The following COL11A1 variants were observed in gnomAD, a reference collection of about 807,000 sequenced individuals.
COL11A1 encodes the protein collagen type XI alpha 1 chain, also known as collagen alpha-1(XI) chain.
A neutral mutation model predicts 265.2 loss-of-function variants in COL11A1; 74 were observed. That is an observed-to-expected ratio of 0.28 (90% CI 0.23 to 0.34). The LOEUF is 0.34. Ranked by LOEUF, COL11A1 falls within the 10% of genes least tolerant of loss-of-function variation. The pLI, the probability that COL11A1 is intolerant of heterozygous loss-of-function variation, is 1.00. For missense variants in COL11A1, 2,165 were observed against 2,263.6 expected, an observed-to-expected ratio of 0.96 and a Z score of 0.88; for synonymous variants, 816 against 727.6, an observed-to-expected ratio of 1.12 and a Z score of -1.96.
At chr1:102,973,593 C>T (rs887023204) in intron 36 of COL11A1, among the ~76,000 whole-genome samples, 1 of 152,090 alleles carries the variant, frequency 6.6e-6, no homozygotes, top group Non-Finnish European at 1.5e-5. Flanking sequence ...ACTTTTGAAA[C>T]TGTTTTCATT....
chr1:103,031,682 G>C (rs1214633798), intron 4 of COL11A1, among the ~76,000 whole-genome samples: 1 of 151,912 alleles, frequency 6.6e-6, no homozygotes, highest in Non-Finnish European at 1.5e-5. Context: ...TTATTGTTAG[G>C]AAATTTATAT....
chr1:103,058,272 G>T (rs1207449145), intron 4 of COL11A1, among the ~76,000 whole-genome samples: 1 of 152,138 alleles, frequency 6.6e-6, no homozygotes, highest in East Asian at 1.9e-4. Flanking sequence ...AGCTTTCACA[G>T]AATTGAAGAG....
chr1:102,971,142 G>T (rs1293615989), intron 36 of COL11A1, among the ~76,000 whole-genome samples: 1 of 152,104 alleles, frequency 6.6e-6, no homozygotes, highest in African/African-American at 2.4e-5. Flanking sequence ...AAGTCATCAG[G>T]ACAAATTTTT....
At chr1:102,912,644 A>G (rs779857012) in intron 53 of COL11A1, among the ~76,000 whole-genome samples, 3 of 152,124 alleles carry the variant, frequency 2.0e-5, no homozygotes, top group African/African-American at 7.2e-5. Context: ...TAACATACTG[A>G]TATGGTTTGG....
chr1:102,922,018 G>A (rs936407356), intron 47 of COL11A1, among the ~76,000 whole-genome samples: 3 of 152,138 alleles, frequency 2.0e-5, no homozygotes, highest in Non-Finnish European at 4.4e-5. Context: ...GGTTCTATAT[G>A]CTAGAATTAG....
At chr1:103,065,585 C>T (rs993938353) in intron 4 of COL11A1, among the ~76,000 whole-genome samples, 1 of 107,406 alleles carries the variant, frequency 9.3e-6, no homozygotes, top group East Asian at 3.2e-4. Context: ...AAAAAAATAG[C>T]AACAAAGGCA....
At chr1:103,007,842 A>G (rs1472871299) in intron 15 of COL11A1, among the ~76,000 whole-genome samples, 1 of 146,986 alleles carries the variant, frequency 6.8e-6, no homozygotes, top group East Asian at 2.1e-4. Flanking sequence ...AGCCTGGGCA[A>G]CAGAGCAGAG....
Position 102,919,591 on chromosome 1 carries a change from T to G in COL11A1, c.3762+720A>C, listed in dbSNP as rs1655741244. On this transcript the variant is annotated intron_variant, in intron 49 of 66. Coordinates refer to ENST00000370096, the MANE Select transcript of COL11A1 (RefSeq NM_001854.4). Reference sequence around the variant, plus strand: ...CCTTTCTGAAAATTGGTAGTTTATTTTTTAAAGCACGCAAATATCCATGAT... The same window carrying G: ...CCTTTCTGAAAATTGGTAGTTTATTGTTTAAAGCACGCAAATATCCATGAT... Among the ~76,000 whole-genome samples, 3 of 152,010 alleles carry G rather than the reference T, an allele frequency of 2.0e-5. No individual in the cohort carries two copies. The South Asian group carries it at 6.2e-4, about 31-fold the overall frequency.
At chr1:102,985,444 T>C (rs1663443343) in intron 30 of COL11A1, among the ~76,000 whole-genome samples, 1 of 152,148 alleles carries the variant, frequency 6.6e-6, no homozygotes, top group South Asian at 2.1e-4. Context: ...AGCATACTTA[T>C]AATGATGTTC....
chr1:103,061,567 A>G (rs1011965461), intron 4 of COL11A1, among the ~76,000 whole-genome samples: 3 of 152,212 alleles, frequency 2.0e-5, no homozygotes, highest in East Asian at 1.9e-4. Context: ...CGTAACAGAA[A>G]GATAACTGGG....
At chr1:102,982,890 C>T (rs1293633321) in intron 31 of COL11A1, among the ~76,000 whole-genome samples, 5 of 151,994 alleles carry the variant, frequency 3.3e-5, no homozygotes, top group Non-Finnish European at 7.4e-5. Flanking sequence ...AAGAATGTTA[C>T]AGAAACAGGA....
Position 103,082,905 on chromosome 1 carries a change from C to A in COL11A1, c.174G>T (p.Thr58=). ...AATTCTTTCTGTTTGTGCAAAATCC[C>A]GTTGTTTTTGATATTCCCTCTGGAG... The part of the protein sequence containing the change: ...HNSPEGISKT[T]GFCTNRKNSK... Residue 58 remains threonine, a synonymous_variant, in exon 2 of 67, where the codon ACG becomes ACT. Coordinates refer to ENST00000370096, the MANE Select transcript of COL11A1 (RefSeq NM_001854.4). The A allele has an allele frequency of 6.2e-7, 1 of 1,613,430 alleles. No homozygotes were observed. The highest frequency in any genetic ancestry group is 8.5e-7 in the Non-Finnish European group (1 of 1,179,650).
rs1664593626 is a variant in COL11A1, at chr1:102,996,039, G to A, written c.2245C>T (p.Pro749Ser). 2 of 1,613,202 alleles carry A rather than the reference G, an allele frequency of 1.2e-6. No individual in the cohort carries two copies. Among genetic ancestry groups the A allele is most frequent in the Non-Finnish European group, 1.7e-6 (2 of 1,179,440 alleles). The part of the protein sequence containing the change: ...GQSGEKGALG[P>S]PGPQGPIGYP... ...CCAATAGGACCTTGTGGACCAGGGG[G>A]ACCCTGAAATAGATGAATTACCACT... Residue 749 changes from proline (P) to serine (S), a missense_variant, in exon 27 of 67, where the codon CCC (proline) becomes TCC (serine). Coordinates refer to ENST00000370096, the MANE Select transcript of COL11A1 (RefSeq NM_001854.4).
intron 49 of COL11A1, 45 bp downstream of exon 49, chr1:102,920,266 T>C: frequency 1.3e-6 from 2 of 1,548,494 alleles, no homozygotes; most frequent in Non-Finnish European, 1.8e-6. Flanking sequence ...TTATTACAGT[T>C]CTTAATTCAT....
At chr1:103,005,396 T>C (rs1338002680) in intron 18 of COL11A1, among the ~76,000 whole-genome samples, 1 of 152,156 alleles carries the variant, frequency 6.6e-6, no homozygotes, top group Non-Finnish European at 1.5e-5. Flanking sequence ...TGAAAGTTTT[T>C]ACCATCACCA....
intron 29 of COL11A1, among the ~76,000 whole-genome samples, chr1:102,988,965 A>G (rs755170996): frequency 6.6e-6 from 1 of 152,148 alleles, no homozygotes; most frequent in African/African-American, 2.4e-5. Context: ...AGGTACTAGT[A>G]TATTACTTAA....
chr1:102,995,213 G>T (rs751248838), intron 28 of COL11A1, among the ~76,000 whole-genome samples: 3 of 151,810 alleles, frequency 2.0e-5, no homozygotes, highest in Non-Finnish European at 4.4e-5. Flanking sequence ...GGCTTTGCAG[G>T]CCTGCTAAAT....
At chr1:102,961,843 C>T in intron 41 of COL11A1, 23 bp downstream of exon 41, 2 of 1,606,588 alleles carry the variant, frequency 1.2e-6, no homozygotes, top group Non-Finnish European at 1.7e-6. Flanking sequence ...GATTGTCTGG[C>T]TATTTATTAT....
intron 54 of COL11A1, among the ~76,000 whole-genome samples, chr1:102,903,943 G>A (rs1653561550): frequency 6.6e-6 from 1 of 152,130 alleles, no homozygotes; most frequent in Non-Finnish European, 1.5e-5. Context: ...GCTCACTGCA[G>A]CCTCGAACTC....
Sources: allele counts gnomAD v4.1 joint callset (sites outside exome capture counted in the v4.1 genomes callset), GRCh38; gene constraint gnomAD v4.1.1; transcripts MANE v1.5; gene names NCBI Gene and HGNC (gene_info 2026-07-23, HGNC 2026-07-21).